RIC8B: variants seen among roughly 807,000 people sequenced by gnomAD.
RIC8B encodes the protein chaperone Ric-8B.
In RIC8B, 16 loss-of-function variants were observed where a neutral mutation model predicts 57.5. That is an observed-to-expected ratio of 0.28 (90% CI 0.19 to 0.42). The LOEUF (loss-of-function observed/expected upper bound fraction) is 0.42. RIC8B is among the 10% of genes least tolerant of loss of function. The pLI is 1.00. For missense variants in RIC8B, 481 were observed against 677.0 expected (o/e 0.71, Z 3.21); for synonymous variants, 216 against 250.8 (o/e 0.86, Z 1.31).
At chr12:106,816,712 T>C (rs1460972763) in intron 3 of RIC8B, among the ~76,000 whole-genome samples, 1 of 152,042 alleles carries the variant, frequency 6.6e-6, no homozygotes, top group Non-Finnish European at 1.5e-5. Context: ...CAAAAAAGGG[T>C]TTAAAATTCA....
chr12:106,868,407 T>C (rs1159604299), intron 8 of RIC8B: 3 of 452,172 alleles, frequency 6.6e-6, no homozygotes, highest in Non-Finnish European at 1.3e-5. Flanking sequence ...GGCCTGATTT[T>C]CTTTGCTTGG....
intron 4 of RIC8B, among the ~76,000 whole-genome samples, chr12:106,832,335 A>G (rs540474984): frequency 2.0e-5 from 3 of 152,308 alleles, no homozygotes; most frequent in Admixed American, 2.0e-4. Flanking sequence ...TGGGAGGCCA[A>G]GGCGGGTGGA....
chr12:106,792,001 G>A (rs1461725738), intron 2 of RIC8B, among the ~76,000 whole-genome samples: 2 of 152,080 alleles, frequency 1.3e-5, no homozygotes, highest in East Asian at 1.9e-4. Context: ...TTGCAAATTT[G>A]ACTCAAAATT....
At chr12:106,775,741 T>G (rs2043443401) in intron 1 of RIC8B, among the ~76,000 whole-genome samples, 1 of 152,236 alleles carries the variant, frequency 6.6e-6, no homozygotes, top group Non-Finnish European at 1.5e-5. Flanking sequence ...CATGCTCACT[T>G]CAAAAGATAG....
At chr12:106,795,556 C>G (rs1320506318) in intron 2 of RIC8B, among the ~76,000 whole-genome samples, 1 of 152,096 alleles carries the variant, frequency 6.6e-6, no homozygotes, top group Non-Finnish European at 1.5e-5. Flanking sequence ...GAGGGCTGGC[C>G]GCCCCAACCT....
chr12:106,783,872 A>C (rs1336601566), intron 1 of RIC8B, 125 bp from the exon 2 acceptor site: 2 of 734,748 alleles, frequency 2.7e-6, no homozygotes, highest in Non-Finnish European at 4.6e-6. Context: ...TACTTTAATA[A>C]GAATATTGAG....
At chr12:106,831,449 C>T (rs1380887767) in intron 4 of RIC8B, among the ~76,000 whole-genome samples, 1 of 152,142 alleles carries the variant, frequency 6.6e-6, no homozygotes, top group East Asian at 1.9e-4. Flanking sequence ...ATGATTCTAC[C>T]AAACCTTTGC....
intron 4 of RIC8B, among the ~76,000 whole-genome samples, chr12:106,830,100 A>G (rs1321654605): frequency 1.3e-5 from 2 of 152,214 alleles, no homozygotes; most frequent in South Asian, 2.1e-4. Flanking sequence ...AAGTTTTGAA[A>G]TGAGTAAGTG....
intron 1 of RIC8B, among the ~76,000 whole-genome samples, chr12:106,782,597 C>G (rs930815740): frequency 6.6e-6 from 1 of 152,224 alleles, no homozygotes; most frequent in Non-Finnish European, 1.5e-5. Flanking sequence ...AATCCATGCC[C>G]TTACCACCTG....
At chr12:106,880,921 A>C (rs1950895527) in intron 9 of RIC8B, among the ~76,000 whole-genome samples, 1 of 152,200 alleles carries the variant, frequency 6.6e-6, no homozygotes, top group Non-Finnish European at 1.5e-5. Context: ...CTTCGTGATG[A>C]AAGTGAATGT....
rs1404342897 is a variant in RIC8B, at chr12:106,886,169, A to AC, written c.*157dup. On this transcript the variant is annotated 3_prime_UTR_variant, in exon 10 of 10. Coordinates refer to ENST00000392837, the MANE Select transcript of RIC8B (RefSeq NM_001330145.2). ...GAGAATCCAGCATATTTAAGAGGTG[A>AC]CCCTGTGTTTTTTGTGATATTGAGG... is the stretch of plus-strand genomic sequence containing the variant. The AC allele has an allele frequency of 1.6e-6, 1 of 608,130 alleles. No individual in the cohort carries two copies. Among genetic ancestry groups the AC allele is most frequent in the African/African-American group, 1.9e-5 (1 of 53,822 alleles). 37.7% of individuals were successfully genotyped at this position (608,130 alleles called of 1,614,324 possible).
rs1255641560 is a variant in RIC8B, at chr12:106,844,074, A to G, written c.1161+127A>G. The G allele has an allele frequency of 4.3e-6, 3 of 693,868 alleles. No individual in the cohort carries two copies. In the African/African-American group the frequency reaches 5.4e-5, roughly 12 times the overall value. The allele number at this position is 693,868 out of a possible 1,614,324, so 43.0% of individuals were successfully genotyped here. A position where few individuals can be genotyped will look rare whatever the true frequency, so the allele number is the denominator to read the frequency against. On this transcript the variant is annotated intron_variant, in intron 6 of 9. Coordinates refer to ENST00000392837, the MANE Select transcript of RIC8B (RefSeq NM_001330145.2). ...TCAGAAACTCAGTCTTAATCTTTGA[A>G]ATCTTCTTAATCAAGAAGTGTGTAT...
intron 2 of RIC8B, among the ~76,000 whole-genome samples, chr12:106,806,659 G>C (rs935868769): frequency 6.6e-6 from 1 of 151,880 alleles, no homozygotes; most frequent in Admixed American, 6.6e-5. Flanking sequence ...GTGAAACCCC[G>C]TCTCTACTAA....
Position 106,879,345 on chromosome 12 carries a change from T to C in RIC8B, c.1572-6559T>C. On this transcript the variant is annotated intron_variant, in intron 9 of 9. Coordinates refer to ENST00000392837, the MANE Select transcript of RIC8B (RefSeq NM_001330145.2). The surrounding 1 kb of genome is among the most constrained non-coding windows in gnomAD (Gnocchi z 4.9). The stretch of plus-strand genomic sequence containing the variant: ...GTCTGACCTATTCTATATTGTGCGA[T>C]TGGGTATGTTAGTATCTGAACCCCA... 2 of 985,318 alleles carry C rather than the reference T, an allele frequency of 2.0e-6. No homozygotes were observed. The highest frequency in any genetic ancestry group is 2.4e-6 in the Non-Finnish European group (2 of 829,900). The allele number at this position is 985,318 out of a possible 1,614,324, so 61.0% of individuals were successfully genotyped here.
At chr12:106,788,640 G>T (rs1382741822) in intron 2 of RIC8B, among the ~76,000 whole-genome samples, 1 of 152,194 alleles carries the variant, frequency 6.6e-6, no homozygotes, top group Non-Finnish European at 1.5e-5. Context: ...AAGGTCTAGG[G>T]CTTGTACCCC....
intron 9 of RIC8B, among the ~76,000 whole-genome samples, chr12:106,883,292 A>G (rs1472759479): frequency 6.6e-6 from 1 of 152,158 alleles, no homozygotes; most frequent in Non-Finnish European, 1.5e-5. Context: ...TCAGTTGTTA[A>G]TATGTAGTGT....
intron 3 of RIC8B, among the ~76,000 whole-genome samples, chr12:106,817,824 CAAAAAAA>C (rs1256361414): frequency 8.9e-6 from 1 of 112,060 alleles, no homozygotes; most frequent in Non-Finnish European, 1.9e-5. Flanking sequence ...AACACTGTCT[CAAAAAAA>C]AAAAAAAAAA....
At chr12:106,841,522 C>T (rs1017666754) in intron 4 of RIC8B, among the ~76,000 whole-genome samples, 2 of 152,158 alleles carry the variant, frequency 1.3e-5, no homozygotes, top group African/African-American at 4.8e-5. Flanking sequence ...GAAGGAGCTA[C>T]TGGTCTAAAT....
chr12:106,879,640 G>C lies in RIC8B; in HGVS notation c.1572-6264G>C. Reference sequence around the variant, plus strand: ...TTTGGTTTCCATTAGCAGTCCCAAGGGTTAGGCTGGGGCAAAATAGGGTTT... The same window carrying C: ...TTTGGTTTCCATTAGCAGTCCCAAGCGTTAGGCTGGGGCAAAATAGGGTTT... On this transcript the variant is annotated intron_variant, in intron 9 of 9. Transcript: ENST00000392837. This position sits in a 1 kb window ranked among gnomAD's most constrained non-coding sequence, Gnocchi z 4.9. The C allele has an allele frequency of 1.0e-6, 1 of 985,378 alleles. No individual in the cohort carries two copies. The highest frequency in any genetic ancestry group is 1.2e-6 in the Non-Finnish European group (1 of 829,934). The allele number at this position is 985,378 out of a possible 1,614,324, so 61.0% of individuals were successfully genotyped here.
Sources: gnomAD v4.1 joint callset for allele counts (sites outside exome capture counted in the v4.1 genomes callset) on GRCh38, gnomAD v4.1.1 for gene constraint, Gnocchi (gnomAD v3.1) non-coding constraint, MANE v1.5 for transcripts, NCBI Gene and HGNC (gene_info 2026-07-23, HGNC 2026-07-21) for gene names.